The following COX7B2 variants were observed in gnomAD, a reference collection of about 807,000 sequenced individuals.
The protein encoded by COX7B2 is cytochrome c oxidase subunit 7B2, also known as cytochrome c oxidase subunit 7B2, mitochondrial.
For synonymous variants in COX7B2, 37 were observed against 32.1 expected (o/e 1.15, Z -0.51); for missense variants, 109 against 95.9 (o/e 1.14, Z -0.57).
At chr4:46,859,823 G>A (rs1018418046) in intron 1 of COX7B2, among the ~76,000 whole-genome samples, 1 of 152,134 alleles carries the variant, frequency 6.6e-6, no homozygotes, top group African/African-American at 2.4e-5. Flanking sequence ...AGAGATTTCT[G>A]AATAACCCAC....
At chr4:46,748,777 T>TGG (rs1281878710) in intron 2 of COX7B2, among the ~76,000 whole-genome samples, 1 of 152,188 alleles carries the variant, frequency 6.6e-6, no homozygotes, top group Non-Finnish European at 1.5e-5. Flanking sequence ...AAACTCATCT[T>TGG]CTAACAAATT....
chr4:46,901,722 G>A (rs1720080853), intron 1 of COX7B2, among the ~76,000 whole-genome samples: 1 of 152,190 alleles, frequency 6.6e-6, no homozygotes, highest in Non-Finnish European at 1.5e-5. Flanking sequence ...GAACAAAATG[G>A]CAGAGAAGGG....
intron 1 of COX7B2, among the ~76,000 whole-genome samples, chr4:46,901,920 C>T (rs1720089126): frequency 6.6e-6 from 1 of 152,162 alleles, no homozygotes; most frequent in Non-Finnish European, 1.5e-5. Flanking sequence ...TTAAGGAGTC[C>T]GTCTGAATAA....
At chr4:46,882,639 G>A (rs565943813) in intron 1 of COX7B2, among the ~76,000 whole-genome samples, 2 of 152,140 alleles carry the variant, frequency 1.3e-5, no homozygotes, top group African/African-American at 2.4e-5. Flanking sequence ...TTTTCTGATC[G>A]CTGGGTAGAT....
intron 1 of COX7B2, among the ~76,000 whole-genome samples, chr4:46,878,414 AAG>A (rs1300421324): frequency 6.6e-6 from 1 of 151,988 alleles, no homozygotes; most frequent in Non-Finnish European, 1.5e-5. Context: ...CATAAAAAAA[AAG>A]GTGATGGATA....
intron 2 of COX7B2, among the ~76,000 whole-genome samples, chr4:46,829,873 T>C (rs985300684): frequency 6.6e-6 from 1 of 152,184 alleles, no homozygotes; most frequent in Non-Finnish European, 1.5e-5. Context: ...TTATTACATA[T>C]AGTTTTGAGT....
chr4:46,747,724 A>G (rs1219073345), intron 2 of COX7B2, among the ~76,000 whole-genome samples: 1 of 152,222 alleles, frequency 6.6e-6, no homozygotes. Flanking sequence ...ATCTCCTTTA[A>G]TGTCAAATTC....
intron 2 of COX7B2, among the ~76,000 whole-genome samples, chr4:46,818,837 G>A (rs1322599688): frequency 6.6e-6 from 1 of 152,200 alleles, no homozygotes; most frequent in Non-Finnish European, 1.5e-5. Flanking sequence ...CACAAACACA[G>A]GGCCTCTGTT....
rs544906455 is a variant in COX7B2, at chr4:46,892,874, G to A, written c.-105+16286C>T. On this transcript the variant is annotated intron_variant, in intron 1 of 2. Coordinates refer to ENST00000355591, the MANE Select transcript of COX7B2 (RefSeq NM_130902.3). ...CCAGTGGGACATAACTGAATAATGG[G>A]GGGATTTCCCCCATGCTATTCTCAT... 2.6e-5 allele frequency among the ~76,000 whole-genome samples: 4 copies of A among 152,262 alleles called. No individual in the cohort carries two copies. The South Asian group carries it at 6.2e-4, about 24-fold the overall frequency.
At chr4:46,747,896 C>T (rs1026783434) in intron 2 of COX7B2, among the ~76,000 whole-genome samples, 7 of 151,280 alleles carry the variant, frequency 4.6e-5, no homozygotes, top group African/African-American at 1.5e-4. Flanking sequence ...AAATAATAGC[C>T]GATATGCCTC....
At chr4:46,885,708 G>T (rs1399819119) in intron 1 of COX7B2, among the ~76,000 whole-genome samples, 2 of 151,968 alleles carry the variant, frequency 1.3e-5, no homozygotes, top group African/African-American at 2.4e-5. Flanking sequence ...AACCAGGTGG[G>T]TTTTTTTCTC....
intron 1 of COX7B2, among the ~76,000 whole-genome samples, chr4:46,871,659 A>G (rs1253292415): frequency 1.3e-5 from 2 of 152,100 alleles, no homozygotes; most frequent in Non-Finnish European, 2.9e-5. Context: ...AAACATTGAA[A>G]AGTGGGCAAA....
intron 1 of COX7B2, among the ~76,000 whole-genome samples, chr4:46,882,437 G>T (rs1185464971): frequency 1.3e-5 from 2 of 152,142 alleles, no homozygotes; most frequent in Non-Finnish European, 2.9e-5. Context: ...ACGTCTCTTT[G>T]TAGGTCTCTA....
chr4:46,844,238 T>C (rs1364651247), intron 2 of COX7B2, among the ~76,000 whole-genome samples: 2 of 151,992 alleles, frequency 1.3e-5, no homozygotes, highest in Non-Finnish European at 2.9e-5. Context: ...CAATATATAA[T>C]TTCATACTTA....
intron 1 of COX7B2, among the ~76,000 whole-genome samples, chr4:46,852,563 T>TACGCACACACACACAC (rs1553893482): frequency 1.4e-5 from 2 of 145,790 alleles, no homozygotes; most frequent in African/African-American, 5.0e-5. Flanking sequence ...AATACACAAA[T>TACGCACACACACACAC]ACACACACAC....
intron 2 of COX7B2, among the ~76,000 whole-genome samples, chr4:46,788,772 GGAAAAAAACAAACAGA>G: frequency 6.6e-6 from 1 of 152,018 alleles, no homozygotes; most frequent in African/African-American, 2.4e-5. Context: ...AAATGCTATA[GGAAAAAAACAAACAGA>G]GAAGTGCTTG....
intron 1 of COX7B2, among the ~76,000 whole-genome samples, chr4:46,903,224 A>G (rs1307355576): frequency 1.3e-5 from 2 of 152,218 alleles, no homozygotes; most frequent in Non-Finnish European, 2.9e-5. Flanking sequence ...TATGAGCTAC[A>G]CCTTGAAAAT....
chr4:46,779,527 C>T (rs977190618), intron 2 of COX7B2, among the ~76,000 whole-genome samples: 1 of 151,994 alleles, frequency 6.6e-6, no homozygotes, highest in Non-Finnish European at 1.5e-5. Flanking sequence ...GTTTCATTTC[C>T]TTTGGGTATA....
intron 2 of COX7B2, among the ~76,000 whole-genome samples, chr4:46,770,847 A>T (rs1446423755): frequency 2.0e-5 from 3 of 152,156 alleles, no homozygotes; most frequent in Non-Finnish European, 4.4e-5. Context: ...AAGACTTAAA[A>T]ATAAGACCGG....
Sources: allele counts gnomAD v4.1 joint callset (sites outside exome capture counted in the v4.1 genomes callset), GRCh38; gene constraint gnomAD v4.1.1; transcripts MANE v1.5; gene names NCBI Gene and HGNC (gene_info 2026-07-23, HGNC 2026-07-21).